ANO5: variants seen among roughly 807,000 people sequenced by gnomAD.
The protein encoded by ANO5 is anoctamin-5.
Under a neutral mutation model 121.0 loss-of-function variants are expected in ANO5, and 109 were observed. The observed-to-expected ratio is 0.90, with a 90% CI of 0.77 to 1.06. ANO5 has a LOEUF of 1.06. Ranked by LOEUF, ANO5 falls within the 50% of genes least tolerant of loss-of-function variation. ANO5 has a pLI of 0.00. For missense variants in ANO5, 1,064 were observed against 1,078.5 expected (o/e 0.99, Z 0.19); for synonymous variants, 406 against 359.9 (o/e 1.13, Z -1.45).
At chr11:22,226,926 A>C (rs1229997064) in intron 6 of ANO5, among the ~76,000 whole-genome samples, 1 of 152,100 alleles carries the variant, frequency 6.6e-6, no homozygotes, top group Non-Finnish European at 1.5e-5. Context: ...ACGTAAGTAA[A>C]ATTTTGAGCT....
intron 9 of ANO5, among the ~76,000 whole-genome samples, chr11:22,243,255 G>A (rs1429283142): frequency 6.6e-6 from 1 of 152,062 alleles, no homozygotes; most frequent in African/African-American, 2.4e-5. Flanking sequence ...TTGCATCTCA[G>A]GAATAATGCC....
chr11:22,275,877 T>A (rs1278647588), intron 20 of ANO5, among the ~76,000 whole-genome samples: 1 of 151,810 alleles, frequency 6.6e-6, no homozygotes, highest in Admixed American at 6.6e-5. Flanking sequence ...TCCTCTTGTG[T>A]ATTTCTTCTT....
Position 22,227,521 on chromosome 11 carries a change from C to T in ANO5, c.583C>T (p.Arg195Trp), listed in dbSNP as rs149040903. ...TTTTACTGCACAATTCAGCAGACAT[C>T]GGCAGGAGCTCTTCCTCATCGAAGA... ...EYFTAQFSRH[R>W]QELFLIEDQA... The change falls in exon 7 of 22, where the codon CGG (arginine) becomes TGG (tryptophan). Residue 195 changes from arginine (R) to tryptophan (W), a missense_variant. Transcript: ENST00000324559. 29 of 1,613,396 alleles carry T rather than the reference C, an allele frequency of 1.8e-5. No homozygotes were observed. The highest frequency in any genetic ancestry group is 1.3e-4 in the Admixed American group (8 of 59,858).
chr11:22,218,195 T>G (rs770123089), intron 3 of ANO5, 51 bp from the exon 4 acceptor site: 6 of 1,607,248 alleles, frequency 3.7e-6, no homozygotes, highest in Non-Finnish European at 5.1e-6. Flanking sequence ...TTTGGAATCT[T>G]TACTGTAATT....
intron 3 of ANO5, among the ~76,000 whole-genome samples, chr11:22,214,570 A>G (rs193186462): frequency 3.0e-4 from 46 of 152,114 alleles, no homozygotes; most frequent in Admixed American, 6.6e-4. Context: ...GGAATAGGGT[A>G]AGGAGAACTT....
intron 9 of ANO5, among the ~76,000 whole-genome samples, chr11:22,242,827 T>C (rs1853478142): frequency 1.3e-5 from 2 of 152,098 alleles, no homozygotes; most frequent in Admixed American, 1.3e-4. Context: ...TTTCTAGGTG[T>C]AGAATCATTT....
intron 4 of ANO5, among the ~76,000 whole-genome samples, chr11:22,219,745 T>C (rs943341371): frequency 1.3e-5 from 2 of 151,994 alleles, no homozygotes; most frequent in Non-Finnish European, 1.5e-5. Flanking sequence ...CAAAGTATAG[T>C]GTGATAGCAG....
At chr11:22,246,665 C>T (rs779073902) in intron 9 of ANO5, among the ~76,000 whole-genome samples, 6 of 151,822 alleles carry the variant, frequency 4.0e-5, no homozygotes, top group South Asian at 2.1e-4. Context: ...GGTGAAACCC[C>T]GTTTCTACCT....
At chr11:22,195,696 T>G (rs918202325) in intron 1 of ANO5, among the ~76,000 whole-genome samples, 2 of 152,114 alleles carry the variant, frequency 1.3e-5, no homozygotes. Context: ...CCCCTCAAAT[T>G]GCTGGGATTA....
chr11:22,219,261 G>T (rs1051831146), intron 4 of ANO5, among the ~76,000 whole-genome samples: 1 of 151,956 alleles, frequency 6.6e-6, no homozygotes, highest in Non-Finnish European at 1.5e-5. Flanking sequence ...CTTTCAGAAG[G>T]ACAGTATGTA....
intron 1 of ANO5, among the ~76,000 whole-genome samples, chr11:22,193,972 G>C (rs1057025956): frequency 6.6e-6 from 1 of 152,190 alleles, no homozygotes; most frequent in African/African-American, 2.4e-5. Flanking sequence ...GCTGGTCCTT[G>C]AGTCTTATTA....
chr11:22,259,152 GAAA>G (rs1239669211), intron 14 of ANO5, among the ~76,000 whole-genome samples: 1 of 148,106 alleles, frequency 6.8e-6, no homozygotes, highest in Non-Finnish European at 1.5e-5. Flanking sequence ...AAAAAAAAGA[GAAA>G]AAAACACAAA....
At position 22,226,050 on chromosome 11, in the gene ANO5, AG is replaced by A; in HGVS notation, c.363+1del. ...TGLELEIEDK[R>X]DSEDGRTYFV... ...TCTTGAGTTGGAAATAGAAGACAAAAGGGTAAATGTAGTTGATAATTTATAC... is the reference window on the plus strand; with the variant it reads ...TCTTGAGTTGGAAATAGAAGACAAAAGGTAAATGTAGTTGATAATTTATAC... On this transcript the variant is annotated frameshift_variant and splice_region_variant, in exon 6 of 22. Transcript: ENST00000324559. LOFTEE classifies it high-confidence loss of function. 7 of 1,600,464 alleles carry A rather than the reference AG, an allele frequency of 4.4e-6. No homozygotes were observed. Among genetic ancestry groups the A allele is most frequent in the Non-Finnish European group, 6.0e-6 (7 of 1,168,246 alleles).
intron 1 of ANO5, among the ~76,000 whole-genome samples, chr11:22,200,516 A>G (rs1435554104): frequency 6.6e-6 from 1 of 152,188 alleles, no homozygotes; most frequent in African/African-American, 2.4e-5. Context: ...TATAAACTTC[A>G]TAAGCTTTAC....
In ANO5 at chr11:22,276,195, T is replaced by C. The variant is rs150442899; in HGVS notation, c.2516T>C (p.Met839Thr). 83 of 1,605,842 alleles carry C rather than the reference T, an allele frequency of 5.2e-5. No individual in the cohort carries two copies. The highest frequency in any genetic ancestry group is 7.0e-5 in the Non-Finnish European group (82 of 1,173,070). Residue 839 changes from methionine (M) to threonine (T), a missense_variant, in exon 21 of 22, where the codon ATG (methionine) becomes ACG (threonine). Met to Thr is a moderately conservative substitution (Grantham distance 81, BLOSUM62 -1). Coordinates refer to ENST00000324559, the MANE Select transcript of ANO5 (RefSeq NM_213599.3). ...GCCAAGATGACCTTCATCATTGTTA[T>C]GGAAGTAAGCTGTTCTTAACTTTCA... ...LAAKMTFIIVMEHVVFLVKFL... is the reference protein window; with the variant it reads ...LAAKMTFIIVTEHVVFLVKFL...
intron 17 of ANO5, among the ~76,000 whole-genome samples, chr11:22,267,524 A>ATATATAT (rs141657651): frequency 3.5e-5 from 5 of 144,614 alleles, no homozygotes; most frequent in African/African-American, 1.4e-4. Context: ...ATATATATAT[A>ATATATAT]AAATCTATCT....
At chr11:22,224,338 G>A (rs1486683669) in intron 5 of ANO5, among the ~76,000 whole-genome samples, 2 of 151,926 alleles carry the variant, frequency 1.3e-5, no homozygotes, top group African/African-American at 4.8e-5. Context: ...TGACTGTTCT[G>A]TATCTCATAC....
intron 9 of ANO5, among the ~76,000 whole-genome samples, chr11:22,241,388 A>G (rs1393597979): frequency 6.6e-6 from 1 of 151,938 alleles, no homozygotes; most frequent in East Asian, 1.9e-4. Flanking sequence ...AGAACAATTT[A>G]TATTGCTTTG....
rs146418790 is a variant in ANO5 at position 22,227,519 on chromosome 11, A to G, written c.581A>G (p.His194Arg). 1.1e-5 allele frequency: 18 copies of G among 1,613,450 alleles called. No individual in the cohort carries two copies. The highest frequency in any genetic ancestry group is 1.1e-4 in the African/African-American group (8 of 74,856). ...PEYFTAQFSR[H>R]RQELFLIEDQ... ...TATTTTACTGCACAATTCAGCAGACATCGGCAGGAGCTCTTCCTCATCGAA... is the reference window on the plus strand; with the variant it reads ...TATTTTACTGCACAATTCAGCAGACGTCGGCAGGAGCTCTTCCTCATCGAA... The change falls in exon 7 of 22, where the codon CAT becomes CGT. Residue 194 changes from histidine to arginine, a missense_variant. By Grantham distance (29) the His-to-Arg change is conservative. Transcript: ENST00000324559.
Sources: gnomAD v4.1 joint callset for allele counts (sites outside exome capture counted in the v4.1 genomes callset) on GRCh38, gnomAD v4.1.1 for gene constraint, MANE v1.5 for transcripts, NCBI Gene and HGNC (gene_info 2026-07-23, HGNC 2026-07-21) for gene names.